The following RAB27B variants were observed in gnomAD, a reference collection of about 807,000 sequenced individuals.
RAB27B encodes RAB27B, member RAS oncogene family, also known as ras-related protein Rab-27B.
Under a neutral mutation model 24.6 loss-of-function variants are expected in RAB27B, and 15 were observed. The observed-to-expected ratio is 0.61, with a 90% CI of 0.41 to 0.94. RAB27B has a LOEUF of 0.94. Ranked by LOEUF, RAB27B falls within the 40% of genes least tolerant of loss-of-function variation. RAB27B has a pLI of 0.00. For missense variants in RAB27B, 261 were observed against 266.8 expected (o/e 0.98, Z 0.15); for synonymous variants, 105 against 92.5 (o/e 1.14, Z -0.78).
chr18:54,849,283 T>C (rs925112681), intron 1 of RAB27B, among the ~76,000 whole-genome samples: 2 of 152,246 alleles, frequency 1.3e-5, no homozygotes, highest in Non-Finnish European at 2.9e-5. Flanking sequence ...AGGGAGCCTG[T>C]GGATCTCTTT....
chr18:54,781,019 GCA>G (rs537962398), intron 2 of RAB27B, among the ~76,000 whole-genome samples: 3 of 152,168 alleles, frequency 2.0e-5, no homozygotes, highest in Non-Finnish European at 4.4e-5. Context: ...TGCTGGGCAT[GCA>G]CAGTGTGGGT....
At chr18:54,863,238 T>A (rs1378675652) in intron 1 of RAB27B, among the ~76,000 whole-genome samples, 1 of 152,206 alleles carries the variant, frequency 6.6e-6, no homozygotes. Context: ...TACAACTATA[T>A]CAGGCCCTAT....
intron 2 of RAB27B, among the ~76,000 whole-genome samples, chr18:54,783,945 C>T (rs1264791370): frequency 1.3e-5 from 2 of 152,108 alleles, no homozygotes; most frequent in African/African-American, 2.4e-5. Context: ...TGTTTGTGAC[C>T]AGAGGTAGGG....
chr18:54,806,224 C>G (rs1406320102), intron 2 of RAB27B, among the ~76,000 whole-genome samples: 1 of 151,974 alleles, frequency 6.6e-6, no homozygotes, highest in African/African-American at 2.4e-5. Flanking sequence ...TGTACTTAGC[C>G]TTTGGTCAAG....
intron 1 of RAB27B, among the ~76,000 whole-genome samples, chr18:54,842,244 A>G (rs1911147095): frequency 6.6e-6 from 1 of 152,250 alleles, no homozygotes; most frequent in South Asian, 2.1e-4. Context: ...GTAAGAAAAG[A>G]TATGTAAACA....
At chr18:54,786,087 A>G (rs1008678062) in intron 2 of RAB27B, among the ~76,000 whole-genome samples, 1 of 151,690 alleles carries the variant, frequency 6.6e-6, no homozygotes, top group Non-Finnish European at 1.5e-5. Flanking sequence ...GATTTTCTAT[A>G]CTACTCTTCA....
chr18:54,766,251 C>T (rs2145060464), intron 2 of RAB27B, among the ~76,000 whole-genome samples: 1 of 152,186 alleles, frequency 6.6e-6, no homozygotes, highest in Non-Finnish European at 1.5e-5. Context: ...GCAAAGTCAA[C>T]AGGAAACACA....
intron 2 of RAB27B, among the ~76,000 whole-genome samples, chr18:54,822,921 G>A (rs1452086396): frequency 2.6e-5 from 4 of 152,078 alleles, no homozygotes; most frequent in African/African-American, 9.7e-5. Flanking sequence ...TCTAACATAA[G>A]AAGAAAAAAT....
chr18:54,810,920 C>A (rs543240533), intron 2 of RAB27B, among the ~76,000 whole-genome samples: 2 of 151,976 alleles, frequency 1.3e-5, no homozygotes, highest in East Asian at 3.9e-4. Context: ...CAATTGTAGA[C>A]TCCTTGAGAC....
intron 2 of RAB27B, among the ~76,000 whole-genome samples, chr18:54,816,513 T>C (rs775711671): frequency 3.9e-5 from 6 of 152,220 alleles, no homozygotes; most frequent in Non-Finnish European, 8.8e-5. Flanking sequence ...AATAACAAAA[T>C]GAATGGTTTA....
chr18:54,724,061 A>G (rs558463943), intron 2 of RAB27B, among the ~76,000 whole-genome samples: 3 of 144,090 alleles, frequency 2.1e-5, no homozygotes, highest in African/African-American at 7.5e-5. Flanking sequence ...TTGGTTTTTC[A>G]AATGTGATTT....
At chr18:54,749,454 C>T (rs1223389695) in intron 2 of RAB27B, among the ~76,000 whole-genome samples, 2 of 152,120 alleles carry the variant, frequency 1.3e-5, no homozygotes, top group Non-Finnish European at 2.9e-5. Flanking sequence ...GTCTGTAAGA[C>T]CTGCTGGGGT....
chr18:54,795,207 C>T (rs1274149484), intron 2 of RAB27B, among the ~76,000 whole-genome samples: 4 of 152,196 alleles, frequency 2.6e-5, no homozygotes, highest in Admixed American at 1.3e-4. Context: ...GCTTGAGCCC[C>T]CCCACACCCG....
chr18:54,787,424 A>G (rs191584494), intron 2 of RAB27B, among the ~76,000 whole-genome samples: 124 of 152,334 alleles, frequency 8.1e-4, no homozygotes, highest in African/African-American at 3.0e-3. Flanking sequence ...AGCTCTGAGT[A>G]AACCAAAACA....
At chr18:54,794,144 ATCTG>A (rs1909339763) in intron 2 of RAB27B, among the ~76,000 whole-genome samples, 1 of 152,164 alleles carries the variant, frequency 6.6e-6, no homozygotes, top group Non-Finnish European at 1.5e-5. Context: ...CAGTTTTTCT[ATCTG>A]TATGGAGATT....
At chr18:54,887,474 A>T (rs1387534923) in intron 4 of RAB27B, among the ~76,000 whole-genome samples, 3 of 152,120 alleles carry the variant, frequency 2.0e-5, no homozygotes, top group Non-Finnish European at 4.4e-5. Flanking sequence ...TATGTGTATT[A>T]TGTATTATTA....
At chr18:54,861,645 G>A (rs1454763464) in intron 1 of RAB27B, among the ~76,000 whole-genome samples, 2 of 152,280 alleles carry the variant, frequency 1.3e-5, no homozygotes, top group East Asian at 3.9e-4. Context: ...TAAGAGGTAG[G>A]GCAGTGCTTC....
At chr18:54,824,402 G>A (rs1260876135), upstream of RAB27B, among the ~76,000 whole-genome samples, 1 of 152,258 alleles carries the variant, frequency 6.6e-6, no homozygotes, top group African/African-American at 2.4e-5. Context: ...AATCTTCGTG[G>A]CATCATACAA....
intron 2 of RAB27B, among the ~76,000 whole-genome samples, chr18:54,791,634 G>C (rs986461381): frequency 3.3e-5 from 5 of 152,190 alleles, no homozygotes; most frequent in African/African-American, 1.2e-4. Context: ...GGTGAGGACA[G>C]ACACTCCTGC....
Sources: allele counts gnomAD v4.1 joint callset (sites outside exome capture counted in the v4.1 genomes callset), GRCh38; gene constraint gnomAD v4.1.1; transcripts MANE v1.5; gene names NCBI Gene and HGNC (gene_info 2026-07-23, HGNC 2026-07-21).